Variants in PCDHGA7 observed in about 807,000 individuals in gnomAD.
PCDHGA7 encodes protocadherin gamma subfamily A, 7.
Under a neutral mutation model 58.3 loss-of-function variants are expected in PCDHGA7, and 44 were observed. That is an observed-to-expected ratio of 0.75 (90% CI 0.59 to 0.97). PCDHGA7 has a LOEUF of 0.97. PCDHGA7 is among the 50% of genes least tolerant of loss of function. PCDHGA7 has a pLI of 0.00. For synonymous variants in PCDHGA7, 516 were observed against 504.2 expected (o/e 1.02, Z -0.31); for missense variants, 1,266 against 1,188.7 (o/e 1.06, Z -0.96).
Position 141,477,686 on chromosome 5 carries a change from C to T in PCDHGA7, c.2425-17121C>T, listed in dbSNP as rs201090822. Reference sequence around the variant, plus strand: ...CAATGGCATAGTGTCATCCTTAGTGCCCCTAGACTATGAGGATCGGCGGGA... The same window carrying T: ...CAATGGCATAGTGTCATCCTTAGTGTCCCTAGACTATGAGGATCGGCGGGA... On this transcript the variant is annotated intron_variant, in intron 1 of 3. Coordinates refer to ENST00000518325, the MANE Select transcript of PCDHGA7 (RefSeq NM_018920.4). This position sits in a 1 kb window ranked among gnomAD's most constrained non-coding sequence, Gnocchi z 4.9. The T allele has an allele frequency of 4.3e-6, 7 of 1,614,024 alleles. No homozygotes were observed. The highest frequency in any genetic ancestry group is 1.6e-4 in the Middle Eastern group (1 of 6,084).
At chr5:141,388,405 C>A in intron 1 of PCDHGA7, 1 of 1,613,892 alleles carries the variant, frequency 6.2e-7, no homozygotes, top group Non-Finnish European at 8.5e-7. Context: ...CAACTCAGTC[C>A]CAGTGATCAT....
At position 141,476,513 on chromosome 5, in the gene PCDHGA7, C is replaced by T; in HGVS notation, c.2425-18294C>T. 1 of 1,614,196 alleles carries T rather than the reference C, an allele frequency of 6.2e-7. No individual in the cohort carries two copies. Among genetic ancestry groups the T allele is most frequent in the Non-Finnish European group, 8.5e-7 (1 of 1,180,034 alleles). On this transcript the variant is annotated intron_variant, in intron 1 of 3. Coordinates refer to ENST00000518325, the MANE Select transcript of PCDHGA7 (RefSeq NM_018920.4). The surrounding 1 kb of genome is among the most constrained non-coding windows in gnomAD (Gnocchi z 7.6). ...GATCCAGGACATCAACGACAACAAT[C>T]CTGCTTTCCCTACCCAGGAAATGAA...
rs200715621 is a variant in PCDHGA7 at position 141,432,628 on chromosome 5, G to A, written c.2424+47305G>A. 3.2e-4 allele frequency: 515 copies of A among 1,611,902 alleles called. No individual in the cohort carries two copies. Among genetic ancestry groups the A allele is most frequent in the Non-Finnish European group, 4.2e-4 (497 of 1,179,404 alleles). On this transcript the variant is annotated intron_variant, in intron 1 of 3. Coordinates refer to ENST00000518325, the MANE Select transcript of PCDHGA7 (RefSeq NM_018920.4). The surrounding 1 kb of genome is among the most constrained non-coding windows in gnomAD (Gnocchi z 6.0). ...GACTCTTCTCGGTGGGTCTGCACAC[G>A]GGCGAGGTGCGCACGGCGCGAGCCC...
In PCDHGA7 at chr5:141,402,724, G is replaced by A. The variant is rs558797465; in HGVS notation, c.2424+17401G>A. Among the ~76,000 whole-genome samples, 7 of 152,276 alleles carry A rather than the reference G, an allele frequency of 4.6e-5. No individual in the cohort carries two copies. The South Asian group carries it at 1.5e-3, about 32-fold the overall frequency. On this transcript the variant is annotated intron_variant, in intron 1 of 3. Transcript: ENST00000518325. Reference sequence around the variant, plus strand: ...GGGTGTAGTAACGGCTTAGGACTCTGAGCGCCGCTGTTGATCAACTCTAAG... The same window carrying A: ...GGGTGTAGTAACGGCTTAGGACTCTAAGCGCCGCTGTTGATCAACTCTAAG...
intron 1 of PCDHGA7, among the ~76,000 whole-genome samples, chr5:141,447,463 C>T (rs1004772636): frequency 6.6e-6 from 1 of 152,142 alleles, no homozygotes; most frequent in African/African-American, 2.4e-5. Context: ...AGTTTTTCTT[C>T]ACCATCTGTA....
At chr5:141,394,186 C>T (rs1412149852) in intron 1 of PCDHGA7, 7 of 1,613,792 alleles carry the variant, frequency 4.3e-6, no homozygotes, top group South Asian at 1.1e-5. Context: ...GCCTCCTACT[C>T]AGCGTATATC....
At chr5:141,451,170 A>G (rs960062747) in intron 1 of PCDHGA7, among the ~76,000 whole-genome samples, 8 of 152,148 alleles carry the variant, frequency 5.3e-5, no homozygotes, top group East Asian at 3.9e-4. Flanking sequence ...GTAGTATATT[A>G]TTTAGCCATT....
intron 3 of PCDHGA7, among the ~76,000 whole-genome samples, chr5:141,509,732 C>T (rs931066969): frequency 3.9e-5 from 6 of 152,182 alleles, no homozygotes; most frequent in Non-Finnish European, 5.9e-5. Flanking sequence ...CTAGCTGTGG[C>T]ACTCTGAGCC....
At chr5:141,461,456 T>C (rs12186717) in intron 1 of PCDHGA7, among the ~76,000 whole-genome samples, 42,391 of 152,030 alleles carry the variant, frequency 0.28, 6,631 homozygotes, top group African/African-American at 0.43. Context: ...AATGGCTATT[T>C]GTGTCCTTTG....
intron 1 of PCDHGA7, chr5:141,393,918 T>C: frequency 6.2e-7 from 1 of 1,613,982 alleles, no homozygotes; most frequent in Non-Finnish European, 8.5e-7. Context: ...AATTGCCTTC[T>C]TGAGTGTGCA....
chr5:141,434,480 C>T (rs777049751), intron 1 of PCDHGA7, among the ~76,000 whole-genome samples: 6 of 152,194 alleles, frequency 3.9e-5, no homozygotes, highest in Non-Finnish European at 5.9e-5. Context: ...GGGCAAGGAA[C>T]ACCTGGCCCG....
rs2099417434 is a variant in PCDHGA7, at chr5:141,477,762, C to T, written c.2425-17045C>T. 1 of 1,613,968 alleles carries T rather than the reference C, an allele frequency of 6.2e-7. No homozygotes were observed. The highest frequency in any genetic ancestry group is 8.5e-7 in the Non-Finnish European group (1 of 1,180,032). On this transcript the variant is annotated intron_variant, in intron 1 of 3. Transcript: ENST00000518325. This position sits in a 1 kb window ranked among gnomAD's most constrained non-coding sequence, Gnocchi z 4.9. ...GATGGGGGCACCCCGGTCCTAGCCA[C>T]CAACATCAGCGTGAACATATTTGTC...
Position 141,430,867 on chromosome 5 carries a change from G to T in PCDHGA7, c.2424+45544G>T, listed in dbSNP as rs1157718106. ...GCACCCAGATACGCTATTCAGTTCC[G>T]GAAGAGCTGGAGAAAGGCTCTAGGG... On this transcript the variant is annotated intron_variant, in intron 1 of 3. Coordinates refer to ENST00000518325, the MANE Select transcript of PCDHGA7 (RefSeq NM_018920.4). 2.5e-6 allele frequency: 4 copies of T among 1,596,238 alleles called. No individual in the cohort carries two copies. In the East Asian group the frequency reaches 8.9e-5, roughly 36 times the overall value.
intron 1 of PCDHGA7, among the ~76,000 whole-genome samples, chr5:141,466,670 G>A (rs994949602): frequency 9.2e-5 from 14 of 152,046 alleles, no homozygotes; most frequent in African/African-American, 2.2e-4. Flanking sequence ...TGATTTCACC[G>A]TTCTTCCACT....
chr5:141,458,701 C>A (rs1057501287), intron 1 of PCDHGA7, among the ~76,000 whole-genome samples: 3 of 152,088 alleles, frequency 2.0e-5, no homozygotes, highest in Non-Finnish European at 2.9e-5. Context: ...TCCCGAGTAG[C>A]TGGGATTACA....
chr5:141,475,921 A>T, intron 1 of PCDHGA7: 1 of 604,938 alleles, frequency 1.7e-6, no homozygotes, highest in Non-Finnish European at 2.8e-6. Flanking sequence ...AAGACGCTGG[A>T]GATCGGGCCC....
chr5:141,403,247 A>T, intron 1 of PCDHGA7: 1 of 1,613,910 alleles, frequency 6.2e-7, no homozygotes, highest in Middle Eastern at 1.6e-4. Flanking sequence ...CTGTGCTCAG[A>T]GCCCGCGGTG....
chr5:141,484,958 G>C (rs2099604320), intron 1 of PCDHGA7: 1 of 575,756 alleles, frequency 1.7e-6, no homozygotes, highest in Non-Finnish European at 3.1e-6. Flanking sequence ...TATTGGCTGA[G>C]CCCGGGAGCC....
At position 141,511,247 on chromosome 5, in the gene PCDHGA7, C is replaced by A; in HGVS notation, c.*74C>A. The A allele has an allele frequency of 1.3e-6, 2 of 1,577,162 alleles. No individual in the cohort carries two copies. The highest frequency in any genetic ancestry group is 1.7e-6 in the Non-Finnish European group (2 of 1,161,712). On this transcript the variant is annotated 3_prime_UTR_variant, in exon 4 of 4. Transcript: ENST00000518325. Reference sequence around the variant, plus strand: ...CAGCTTCTCCTTACCTGCACCCAGGCCTCAGAGTTTCAGGGCTAACCCCCA... The same window carrying A: ...CAGCTTCTCCTTACCTGCACCCAGGACTCAGAGTTTCAGGGCTAACCCCCA...
Sources: allele counts gnomAD v4.1 joint callset (sites outside exome capture counted in the v4.1 genomes callset), GRCh38; gene constraint gnomAD v4.1.1; non-coding constraint Gnocchi (gnomAD v3.1); transcripts MANE v1.5; gene names NCBI Gene and HGNC (gene_info 2026-07-23, HGNC 2026-07-21).